INO80: variants seen among roughly 807,000 people sequenced by gnomAD.
INO80 encodes the protein chromatin-remodeling ATPase INO80.
In INO80, 20 loss-of-function variants were observed where a neutral mutation model predicts 203.4. The ratio of observed to expected loss-of-function variants is 0.10; its 90% CI spans 0.07 to 0.14. The LOEUF is 0.14. INO80 is among the 10% of genes least tolerant of loss of function. The pLI, the probability that INO80 is intolerant of heterozygous loss-of-function variation, is 1.00. For synonymous variants in INO80, 726 were observed against 685.2 expected (o/e 1.06, Z -0.93); for missense variants, 1,419 against 1,914.4 (o/e 0.74, Z 4.83).
At chr15:40,981,061 C>T (rs963762896) in intron 35 of INO80, among the ~76,000 whole-genome samples, 9 of 152,184 alleles carry the variant, frequency 5.9e-5, no homozygotes, top group African/African-American at 2.2e-4. Flanking sequence ...CTACATAAGC[C>T]AAATCCACTT....
At chr15:41,115,862 C>G (rs2046026776) in intron 1 of INO80, 111 bp downstream of exon 1, 1 of 372,820 alleles carries the variant, frequency 2.7e-6, no homozygotes, top group Non-Finnish European at 4.8e-6. Flanking sequence ...ATCCAAGGGC[C>G]GGGGGCGACG....
intron 26 of INO80, chr15:41,019,367 C>T (rs1339969017): frequency 6.6e-6 from 1 of 152,196 alleles, no homozygotes. Context: ...GGTTGGTTCT[C>T]ACAGTAAACA....
Position 41,092,220 on chromosome 15 carries a change from G to A in INO80, c.382-38C>T, listed in dbSNP as rs766764564. ...AAAATAGAAATGTATCTTTTGCTGT[G>A]AAGCAATCCCATTTATAATCCAAGC... is the stretch of plus-strand genomic sequence containing the variant. On this transcript the variant is annotated intron_variant, in intron 4 of 35. Coordinates refer to ENST00000648947, the MANE Select transcript of INO80 (RefSeq NM_017553.3). 8.6e-6 allele frequency: 13 copies of A among 1,516,320 alleles called. 1 individual carries two copies. The Admixed American group carries it at 1.3e-4, about 15-fold the overall frequency. The allele number at this position is 1,516,320 out of a possible 1,614,324, so 93.9% of individuals were successfully genotyped here. A position where few individuals can be genotyped will look rare whatever the true frequency, so the allele number is the denominator to read the frequency against.
At chr15:41,046,202 CATACATATAT>C (rs1352229558) in intron 23 of INO80, among the ~76,000 whole-genome samples, 1,380 of 109,330 alleles carry the variant, frequency 0.013, 156 homozygotes, top group Middle Eastern at 0.023. Flanking sequence ...TGTGCGTATA[CATACATATAT>C]ATATATATAT....
intron 5 of INO80, among the ~76,000 whole-genome samples, chr15:41,088,364 A>C (rs2045591181): frequency 6.6e-6 from 1 of 151,694 alleles, no homozygotes; most frequent in South Asian, 2.1e-4. Context: ...TCAGCCTCCC[A>C]AAGTGCTGGG....
intron 5 of INO80, among the ~76,000 whole-genome samples, chr15:41,089,306 T>C (rs941493452): frequency 2.6e-5 from 4 of 152,228 alleles, no homozygotes; most frequent in African/African-American, 9.6e-5. Context: ...AAGGGTCAGA[T>C]ACTCTGTTAA....
At chr15:41,055,494 AAGAC>A (rs2044966568) in intron 17 of INO80, 130 bp from the exon 18 acceptor site, 1 of 405,800 alleles carries the variant, frequency 2.5e-6, no homozygotes, top group Non-Finnish European at 4.4e-6. Flanking sequence ...GTGTGAATGA[AAGAC>A]AGAAAATGAA....
chr15:41,027,136 T>C (rs971178646), intron 25 of INO80, among the ~76,000 whole-genome samples: 3 of 152,202 alleles, frequency 2.0e-5, no homozygotes, highest in Non-Finnish European at 2.9e-5. Flanking sequence ...AGGTTCTTGA[T>C]GCTGGAGTGT....
intron 4 of INO80, 96 bp downstream of exon 4, chr15:41,095,505 A>G (rs1469547633): frequency 2.4e-6 from 2 of 848,610 alleles, no homozygotes; most frequent in Middle Eastern, 3.6e-4. Context: ...TATTTGAAAA[A>G]CTCTGTCAAT....
chr15:40,992,413 T>C (rs1467252999), intron 29 of INO80, among the ~76,000 whole-genome samples: 1 of 152,224 alleles, frequency 6.6e-6, no homozygotes, highest in Non-Finnish European at 1.5e-5. Context: ...GCTAAAACCA[T>C]GTTTTTACTA....
chr15:41,073,161 CAA>C (rs1446566973), intron 11 of INO80, among the ~76,000 whole-genome samples: 1 of 152,018 alleles, frequency 6.6e-6, no homozygotes, highest in Non-Finnish European at 1.5e-5. Context: ...AAAAAAAATA[CAA>C]ACTGTTCTAA....
intron 27 of INO80, among the ~76,000 whole-genome samples, chr15:41,009,413 T>C (rs948158458): frequency 8.1e-6 from 1 of 123,738 alleles, no homozygotes; most frequent in Non-Finnish European, 1.6e-5. Context: ...CCCCAGAGTG[T>C]TATGTTCCCC....
Position 41,036,156 on chromosome 15 carries a change from GAAAAAAAAAA to G in INO80, c.2908-8430_2908-8421del, listed in dbSNP as rs369185302. On this transcript the variant is annotated intron_variant, in intron 24 of 35. Transcript: ENST00000648947. The stretch of plus-strand genomic sequence containing the variant: ...GGGCAACAGAGTGCAACTCTCTCTC[GAAAAAAAAAA>G]AAAAAAAAAAAAAAAAAAACCCAAA... 3.1e-4 allele frequency among the ~76,000 whole-genome samples: 10 copies of G among 32,138 alleles called. 1 individual carries two copies. Among genetic ancestry groups the G allele is most frequent in the South Asian group, 2.2e-3 (1 of 462 alleles). The allele number at this position is 32,138 out of a possible 152,430, so 21.1% of individuals were successfully genotyped here.
chr15:41,093,984 C>G (rs1596323638), intron 4 of INO80, among the ~76,000 whole-genome samples: 1 of 152,074 alleles, frequency 6.6e-6, no homozygotes, highest in African/African-American at 2.4e-5. Context: ...TGATATTAAC[C>G]AAATCGGACC....
intron 1 of INO80, among the ~76,000 whole-genome samples, chr15:41,111,492 A>T (rs7163286): frequency 0.074 from 11,313 of 151,982 alleles, 1,229 homozygotes; most frequent in African/African-American, 0.24. Context: ...CTTAAGCCTT[A>T]ACCATCTTAT....
chr15:41,061,451 A>AG (rs2045106596), intron 14 of INO80, among the ~76,000 whole-genome samples: 1 of 81,114 alleles, frequency 1.2e-5, no homozygotes, highest in South Asian at 4.8e-4. Context: ...CCAAAAATAC[A>AG]AAAAAAAAAA....
intron 28 of INO80, chr15:41,004,612 A>AT (rs1276262999): frequency 6.6e-6 from 1 of 152,178 alleles, no homozygotes; most frequent in Non-Finnish European, 1.5e-5. Context: ...AGAAAGCAGT[A>AT]ACCAGACTCT....
At chr15:41,015,338 T>C (rs1185140929) in intron 27 of INO80, among the ~76,000 whole-genome samples, 1 of 152,180 alleles carries the variant, frequency 6.6e-6, no homozygotes, top group Non-Finnish European at 1.5e-5. Context: ...TAGAAATCCA[T>C]ATTTTTTTAA....
intron 27 of INO80, among the ~76,000 whole-genome samples, chr15:41,007,476 C>A (rs2044063797): frequency 6.6e-6 from 1 of 151,990 alleles, no homozygotes; most frequent in Non-Finnish European, 1.5e-5. Context: ...ACCCACTGAG[C>A]CAAGCCTGAT....
Sources: allele counts gnomAD v4.1 joint callset (sites outside exome capture counted in the v4.1 genomes callset), GRCh38; gene constraint gnomAD v4.1.1; transcripts MANE v1.5; gene names NCBI Gene and HGNC (gene_info 2026-07-23, HGNC 2026-07-21).